The following ZNF345 variants were observed in gnomAD, a reference collection of about 807,000 sequenced individuals.
ZNF345 encodes zinc finger protein HZF10.
For missense variants in ZNF345, 527 were observed against 589.9 expected, an observed-to-expected ratio of 0.89 and a Z score of 1.10; for synonymous variants, 166 against 187.9, an observed-to-expected ratio of 0.88 and a Z score of 0.95.
intron 2 of ZNF345, among the ~76,000 whole-genome samples, chr19:36,864,795 G>T (rs1399792871): frequency 6.6e-6 from 1 of 152,126 alleles, no homozygotes; most frequent in Non-Finnish European, 1.5e-5. Flanking sequence ...TCTTAAGACA[G>T]TCATCGTCAG....
At chr19:36,857,916 C>T (rs1403416951) in intron 2 of ZNF345, among the ~76,000 whole-genome samples, 1 of 152,160 alleles carries the variant, frequency 6.6e-6, no homozygotes, top group Non-Finnish European at 1.5e-5. Flanking sequence ...GCTGGGATTA[C>T]AGGCTCCTGG....
chr19:36,874,502 A>T (rs1429945947), intron 2 of ZNF345, among the ~76,000 whole-genome samples: 2 of 139,340 alleles, frequency 1.4e-5, no homozygotes, highest in Non-Finnish European at 3.0e-5. Context: ...TAAAAAAAAA[A>T]AAAGGGGGGT....
intron 2 of ZNF345, among the ~76,000 whole-genome samples, chr19:36,865,454 ATTTT>A (rs2072638532): frequency 1.3e-5 from 2 of 152,020 alleles, no homozygotes; most frequent in Non-Finnish European, 2.9e-5. Context: ...ACTTTTCAAA[ATTTT>A]TATTTATTTA....
At chr19:36,886,887 G>T (rs1356555895) in intron 3 of ZNF345, among the ~76,000 whole-genome samples, 2 of 151,496 alleles carry the variant, frequency 1.3e-5, no homozygotes, top group Non-Finnish European at 2.9e-5. Context: ...CCAGCTACTC[G>T]GGAGGCTGAG....
At chr19:36,864,786 C>G (rs958156190) in intron 2 of ZNF345, among the ~76,000 whole-genome samples, 1 of 152,146 alleles carries the variant, frequency 6.6e-6, no homozygotes, top group Admixed American at 6.5e-5. Context: ...GTTCCTCATT[C>G]TTAAGACAGT....
At chr19:36,881,131 A>G (rs2072965574), downstream of ZNF345, among the ~76,000 whole-genome samples, 1 of 152,198 alleles carries the variant, frequency 6.6e-6, no homozygotes. Context: ...AAGCGACATT[A>G]CTCTAGAGAC....
chr19:36,880,450 AATCCAAAT>A (rs1442277104), downstream of ZNF345, among the ~76,000 whole-genome samples: 1 of 152,200 alleles, frequency 6.6e-6, no homozygotes, highest in East Asian at 1.9e-4. Flanking sequence ...TCTCCATTGA[AATCCAAAT>A]ATTAATTCAG....
chr19:36,877,201 G>C lies in ZNF345; in HGVS notation c.371G>C (p.Gly124Ala). Reference sequence around the variant, plus strand: ...AAGCCTTTTGAATGTAAAGAATGTGGGAAGGCCTTTGGTAGTGGCTCAAAC... The same window carrying C: ...AAGCCTTTTGAATGTAAAGAATGTGCGAAGGCCTTTGGTAGTGGCTCAAAC... ...GEKPFECKECGKAFGSGSNLT... is the reference protein window; with the variant it reads ...GEKPFECKECAKAFGSGSNLT... The change falls in exon 3 of 3, where the codon GGG (glycine) becomes GCG (alanine). Residue 124 changes from glycine (G) to alanine (A), a missense_variant. By Grantham distance (60) the Gly-to-Ala change is moderately conservative (BLOSUM62 0). Coordinates refer to ENST00000420450, the MANE Select transcript of ZNF345 (RefSeq NM_001242472.2). The C allele has an allele frequency of 6.2e-7, 1 of 1,614,040 alleles. No individual in the cohort carries two copies. Among genetic ancestry groups the C allele is most frequent in the Non-Finnish European group, 8.5e-7 (1 of 1,179,972 alleles).
Position 36,877,892 on chromosome 19 carries a change from T to C in ZNF345, c.1062T>C (p.Gly354=). Residue 354 remains glycine (G), a synonymous_variant, in exon 3 of 3, where the codon GGT becomes GGC. Transcript: ENST00000420450. ...AATGTGGGAAGACCTTTAGTAGTGG[T>C]TCAGACCTTACTCAACATCACAGAA... The part of the protein sequence containing the change: ...CKECGKTFSS[G]SDLTQHHRIH... 6.2e-7 allele frequency: 1 copy of C among 1,611,886 alleles called. No homozygotes were observed.
intron 3 of ZNF345, among the ~76,000 whole-genome samples, chr19:36,886,969 G>T (rs1003544662): frequency 1.4e-5 from 2 of 144,790 alleles, no homozygotes; most frequent in Admixed American, 7.0e-5. Context: ...AGTCCAGCTT[G>T]GGCGAAAGAG....
In ZNF345 at chr19:36,860,626, G is replaced by A. The variant is rs188455501; in HGVS notation, c.-47+8722G>A. On this transcript the variant is annotated intron_variant, in intron 2 of 2. Transcript: ENST00000420450. ...TTCTTCATGCTTACATTCAGGCTAT[G>A]AATTTTGTGGCAGGAATACCATAAA... is the stretch of plus-strand genomic sequence containing the variant. Among the ~76,000 whole-genome samples, 94 of 152,262 alleles carry A rather than the reference G, an allele frequency of 6.2e-4. 1 individual carries two copies. Among genetic ancestry groups the A allele is most frequent in the African/African-American group, 1.8e-3 (76 of 41,560 alleles).
intron 3 of ZNF345, chr19:36,888,013 G>C (rs2073013298): frequency 6.6e-6 from 1 of 152,008 alleles, no homozygotes; most frequent in Non-Finnish European, 1.5e-5. Context: ...AAAAGATTAG[G>C]AAAAGTTACT....
chr19:36,892,317 AC>A (rs751504630), intron 3 of ZNF345: 1 of 1,613,846 alleles, frequency 6.2e-7, no homozygotes. Context: ...CACATATCTT[AC>A]ATTCCCATGG....
In ZNF345 at chr19:36,877,785, T is replaced by G; in HGVS notation, c.955T>G (p.Cys319Gly). The G allele has an allele frequency of 6.2e-7, 1 of 1,613,150 alleles. No homozygotes were observed. ...TGEKPYECKE[C>G]EKAFRSGSKL... Reference sequence around the variant, plus strand: ...TGAGAAACCCTATGAGTGTAAGGAGTGTGAGAAAGCCTTTAGAAGTGGTTC... The same window carrying G: ...TGAGAAACCCTATGAGTGTAAGGAGGGTGAGAAAGCCTTTAGAAGTGGTTC... Residue 319 changes from cysteine (C) to glycine (G), a missense_variant, in exon 3 of 3, where the codon TGT (cysteine) becomes GGT (glycine). Coordinates refer to ENST00000420450, the MANE Select transcript of ZNF345 (RefSeq NM_001242472.2).
intron 2 of ZNF345, among the ~76,000 whole-genome samples, chr19:36,854,859 C>CTTTTTTTTTTTTTTTTTTT: frequency 7.2e-6 from 1 of 138,508 alleles, no homozygotes; most frequent in Non-Finnish European, 1.6e-5. Flanking sequence ...CTTTTCTTTT[C>CTTTTTTTTTTTTTTTTTTT]TTTTTTTTTT....
At chr19:36,891,439 G>A in intron 3 of ZNF345, 3 of 1,491,898 alleles carry the variant, frequency 2.0e-6, no homozygotes, top group South Asian at 2.9e-5. Flanking sequence ...CTCCTTACCT[G>A]TTTTAAAAAA....
intron 2 of ZNF345, among the ~76,000 whole-genome samples, chr19:36,860,730 T>G (rs2072529550): frequency 6.6e-6 from 1 of 152,202 alleles, no homozygotes; most frequent in Non-Finnish European, 1.5e-5. Context: ...AGATGTTAAC[T>G]TTGATAATTT....
chr19:36,876,847 A>G lies in ZNF345; in HGVS notation c.17A>G (p.Lys6Arg). 6.3e-7 allele frequency: 1 copy of G among 1,596,988 alleles called. No individual in the cohort carries two copies. Among genetic ancestry groups the G allele is most frequent in the African/African-American group, 1.3e-5 (1 of 74,172 alleles). The change falls in exon 3 of 3, where the codon AAA (lysine) becomes AGA (arginine). Residue 6 changes from lysine (K) to arginine (R), a missense_variant. Lys to Arg is a conservative substitution (Grantham distance 26). Transcript: ENST00000420450. Reference sequence around the variant, plus strand: ...AAAAAGGATATGGAAAACCTTACAAAACACAGCATTGAGTGTTCAAGTTTC... The same window carrying G: ...AAAAAGGATATGGAAAACCTTACAAGACACAGCATTGAGTGTTCAAGTTTC... MENLT[K>R]HSIECSSFRG... is the part of the protein sequence containing the mutation.
chr19:36,860,310 A>G (rs948732552), intron 2 of ZNF345, among the ~76,000 whole-genome samples: 11 of 152,160 alleles, frequency 7.2e-5, no homozygotes, highest in African/African-American at 2.7e-4. Flanking sequence ...ATTCTCTTAC[A>G]TAACCCACAG....
Sources: allele counts gnomAD v4.1 joint callset (sites outside exome capture counted in the v4.1 genomes callset), GRCh38; gene constraint gnomAD v4.1.1; transcripts MANE v1.5; gene names NCBI Gene and HGNC (gene_info 2026-07-23, HGNC 2026-07-21).